DTNBP1: variants seen among roughly 807,000 people sequenced by gnomAD.
DTNBP1 encodes dystrobrevin binding protein 1, also known as dysbindin.
Under a neutral mutation model 42.8 loss-of-function variants are expected in DTNBP1, and 35 were observed. That is an observed-to-expected ratio of 0.82 (90% CI 0.63 to 1.09). The LOEUF (loss-of-function observed/expected upper bound fraction) is 1.09. DTNBP1 is among the 50% of genes least tolerant of loss of function. The probability of loss-of-function intolerance (pLI) is 0.00; values close to 1 mark genes in which losing one functional copy is unlikely to be tolerated. For missense variants in DTNBP1, 457 were observed against 424.2 expected (o/e 1.08, Z -0.68); for synonymous variants, 171 against 162.2 (o/e 1.05, Z -0.41).
At chr6:15,559,875 C>T (rs1325070491) in intron 7 of DTNBP1, among the ~76,000 whole-genome samples, 1 of 152,206 alleles carries the variant, frequency 6.6e-6, no homozygotes, top group African/African-American at 2.4e-5. Context: ...GCAGGGAAAA[C>T]ACTCCCACAA....
intron 7 of DTNBP1, among the ~76,000 whole-genome samples, chr6:15,567,525 C>G (rs567110585): frequency 6.6e-6 from 1 of 152,214 alleles, no homozygotes; most frequent in Non-Finnish European, 1.5e-5. Context: ...TTTATCTTAA[C>G]CCAGATACTC....
chr6:15,549,912 A>G (rs1774115366), intron 7 of DTNBP1, among the ~76,000 whole-genome samples: 2 of 152,148 alleles, frequency 1.3e-5, no homozygotes, highest in African/African-American at 2.4e-5. Flanking sequence ...ATCACTTTCA[A>G]TCTTTTTGGG....
At chr6:15,548,739 CAT>C (rs565809830) in intron 7 of DTNBP1, among the ~76,000 whole-genome samples, 1 of 151,450 alleles carries the variant, frequency 6.6e-6, no homozygotes, top group African/African-American at 2.4e-5. Flanking sequence ...GAAATTTTGA[CAT>C]AGAGGAAAAA....
At chr6:15,601,690 A>AG (rs1776734484) in intron 6 of DTNBP1, among the ~76,000 whole-genome samples, 1 of 151,752 alleles carries the variant, frequency 6.6e-6, no homozygotes, top group South Asian at 2.1e-4. Flanking sequence ...CTAAAAAAAA[A>AG]AAAAAATTAG....
At chr6:15,540,021 C>G (rs1221202104) in intron 7 of DTNBP1, among the ~76,000 whole-genome samples, 1 of 152,150 alleles carries the variant, frequency 6.6e-6, no homozygotes. Flanking sequence ...AATATTAATA[C>G]CAGCATTATT....
intron 7 of DTNBP1, among the ~76,000 whole-genome samples, chr6:15,565,012 C>T (rs1225233150): frequency 6.6e-6 from 1 of 152,058 alleles, no homozygotes; most frequent in Non-Finnish European, 1.5e-5. Flanking sequence ...AGGCTGAGGT[C>T]GGGGGATCAC....
chr6:15,660,969 A>C (rs1761575630), intron 1 of DTNBP1, among the ~76,000 whole-genome samples: 1 of 152,202 alleles, frequency 6.6e-6, no homozygotes, highest in Non-Finnish European at 1.5e-5. Context: ...TCTGAAAAGA[A>C]GGTACTTTTA....
chr6:15,540,344 G>C (rs1415233769), intron 7 of DTNBP1, among the ~76,000 whole-genome samples: 1 of 152,162 alleles, frequency 6.6e-6, no homozygotes, highest in Non-Finnish European at 1.5e-5. Context: ...TCAAAGTTCA[G>C]CTAATCTTCT....
At chr6:15,545,880 T>A (rs1255865775) in intron 7 of DTNBP1, among the ~76,000 whole-genome samples, 10 of 152,058 alleles carry the variant, frequency 6.6e-5, no homozygotes, top group Non-Finnish European at 1.5e-4. Context: ...TGCTCAACAA[T>A]ACCTTAGCTT....
intron 6 of DTNBP1, among the ~76,000 whole-genome samples, chr6:15,598,147 C>T (rs991157426): frequency 2.0e-5 from 3 of 152,076 alleles, no homozygotes; most frequent in African/African-American, 7.2e-5. Flanking sequence ...CATTTTCTCT[C>T]CAGGGATTGA....
chr6:15,535,692 T>C (rs960243383), intron 7 of DTNBP1, among the ~76,000 whole-genome samples: 4 of 152,246 alleles, frequency 2.6e-5, no homozygotes, highest in Admixed American at 6.5e-5. Context: ...GGTATTGATA[T>C]AAAGATACTT....
chr6:15,609,611 G>T (rs1020661750), intron 6 of DTNBP1, among the ~76,000 whole-genome samples: 1 of 152,134 alleles, frequency 6.6e-6, no homozygotes, highest in African/African-American at 2.4e-5. Context: ...GAGCCACCAC[G>T]CCCAGCCTCG....
chr6:15,618,538 A>G (rs1338810740), intron 5 of DTNBP1, among the ~76,000 whole-genome samples: 2 of 152,136 alleles, frequency 1.3e-5, no homozygotes, highest in African/African-American at 4.8e-5. Context: ...AACTAAAAAA[A>G]AAAAAAGAAT....
chr6:15,653,750 T>C (rs929773773), intron 1 of DTNBP1, among the ~76,000 whole-genome samples: 1 of 152,206 alleles, frequency 6.6e-6, no homozygotes, highest in Admixed American at 6.5e-5. Flanking sequence ...AAGTACTCAT[T>C]TGTAAATAGA....
chr6:15,661,367 G>A (rs1197772524), intron 1 of DTNBP1, among the ~76,000 whole-genome samples: 3 of 151,378 alleles, frequency 2.0e-5, no homozygotes, highest in South Asian at 4.2e-4. Flanking sequence ...AAAAAAAAGG[G>A]GGGGAGGGTG....
intron 1 of DTNBP1, among the ~76,000 whole-genome samples, chr6:15,657,996 A>G (rs1043535509): frequency 6.6e-6 from 1 of 152,156 alleles, no homozygotes; most frequent in Non-Finnish European, 1.5e-5. Context: ...TCGGACTCAC[A>G]TACCACACTA....
intron 6 of DTNBP1, among the ~76,000 whole-genome samples, chr6:15,601,124 A>G (rs1776711044): frequency 6.6e-6 from 1 of 152,234 alleles, no homozygotes; most frequent in Non-Finnish European, 1.5e-5. Flanking sequence ...TGAAGTCAAG[A>G]GAGGACAGTA....
chr6:15,529,597 C>T (rs1223090372), intron 8 of DTNBP1, among the ~76,000 whole-genome samples: 2 of 152,222 alleles, frequency 1.3e-5, no homozygotes, highest in Non-Finnish European at 2.9e-5. Context: ...GAAGCAGGGA[C>T]ACCCCTGGCT....
chr6:15,533,544 G>A, intron 7 of DTNBP1, 149 bp from the exon 8 acceptor site: 1 of 1,333,162 alleles, frequency 7.5e-7, no homozygotes, highest in Non-Finnish European at 1.1e-6. Context: ...TGTACAGCTG[G>A]CCTCCTTGTC....
Sources: gnomAD v4.1 joint callset for allele counts (sites outside exome capture counted in the v4.1 genomes callset) on GRCh38, gnomAD v4.1.1 for gene constraint, MANE v1.5 for transcripts, NCBI Gene and HGNC (gene_info 2026-07-23, HGNC 2026-07-21) for gene names.